The following NALF1 variants were observed in gnomAD, a reference collection of about 807,000 sequenced individuals.
The protein encoded by NALF1 is family with sequence similarity 155 member A.
In NALF1, 3 loss-of-function variants were observed where a neutral mutation model predicts 48.4. The ratio of observed to expected loss-of-function variants is 0.06; its 90% CI spans 0.03 to 0.16. The LOEUF (loss-of-function observed/expected upper bound fraction) is 0.16. NALF1 is among the 10% of genes least tolerant of loss of function. NALF1 has a pLI of 1.00. For synonymous variants in NALF1, 262 were observed against 245.7 expected (o/e 1.07, Z -0.62); for missense variants, 526 against 571.5 (o/e 0.92, Z 0.81).
chr13:107,419,688 C>T (rs1884153751), intron 1 of NALF1, among the ~76,000 whole-genome samples: 1 of 152,092 alleles, frequency 6.6e-6, no homozygotes, highest in African/African-American at 2.4e-5. Flanking sequence ...TTTCTAAATT[C>T]TTTCAAAATC....
chr13:107,727,586 AC>A (rs1876195401), intron 1 of NALF1, among the ~76,000 whole-genome samples: 1 of 152,184 alleles, frequency 6.6e-6, no homozygotes, highest in Non-Finnish European at 1.5e-5. Flanking sequence ...CCTGAAGAAA[AC>A]CTACGTGACG....
chr13:107,834,486 G>C (rs1389186087), intron 1 of NALF1, among the ~76,000 whole-genome samples: 1 of 152,216 alleles, frequency 6.6e-6, no homozygotes. Flanking sequence ...AGCTGTGAGA[G>C]AGTAGTCATC....
chr13:107,636,537 T>C (rs903393457), intron 1 of NALF1, among the ~76,000 whole-genome samples: 2 of 152,204 alleles, frequency 1.3e-5, no homozygotes, highest in African/African-American at 4.8e-5. Context: ...TATTTCTAAT[T>C]CTAGCTTCTT....
chr13:107,322,483 T>C (rs2138915119), intron 1 of NALF1, among the ~76,000 whole-genome samples: 1 of 152,300 alleles, frequency 6.6e-6, no homozygotes, highest in South Asian at 2.1e-4. Flanking sequence ...TTACACTACC[T>C]GTTCTCTAAC....
intron 1 of NALF1, among the ~76,000 whole-genome samples, chr13:107,403,463 G>A (rs1462306061): frequency 6.6e-6 from 1 of 151,554 alleles, no homozygotes. Context: ...TGCTTGAAGT[G>A]ATTAGATTTT....
chr13:107,329,927 C>T (rs1029053620), intron 1 of NALF1, among the ~76,000 whole-genome samples: 8 of 152,046 alleles, frequency 5.3e-5, no homozygotes, highest in South Asian at 4.1e-4. Context: ...AAACTTTAGA[C>T]GATTTCTGTC....
At chr13:107,183,936 G>A (rs978219861) in intron 2 of NALF1, among the ~76,000 whole-genome samples, 1 of 151,428 alleles carries the variant, frequency 6.6e-6, no homozygotes, top group Non-Finnish European at 1.5e-5. Flanking sequence ...ACCACTGTCT[G>A]GTTTCAACAC....
intron 2 of NALF1, among the ~76,000 whole-genome samples, chr13:107,197,897 C>T (rs9587315): frequency 0.037 from 5,636 of 152,162 alleles, 157 homozygotes; most frequent in African/African-American, 0.074. Flanking sequence ...AACCAATTTT[C>T]CTGGTAAGGA....
intron 1 of NALF1, among the ~76,000 whole-genome samples, chr13:107,445,501 C>T (rs1884635043): frequency 6.6e-6 from 1 of 152,142 alleles, no homozygotes; most frequent in African/African-American, 2.4e-5. Context: ...TTTTGGGCTA[C>T]TACAAATAGA....
At chr13:107,503,392 A>G (rs1875582785) in intron 1 of NALF1, among the ~76,000 whole-genome samples, 1 of 152,194 alleles carries the variant, frequency 6.6e-6, no homozygotes, top group African/African-American at 2.4e-5. Flanking sequence ...AATTAAAACC[A>G]CTATGAGATA....
intron 1 of NALF1, among the ~76,000 whole-genome samples, chr13:107,733,252 G>A (rs1226395545): frequency 6.6e-6 from 1 of 152,186 alleles, no homozygotes; most frequent in African/African-American, 2.4e-5. Context: ...AGGCAGAAGT[G>A]AGAGGCTCCA....
intron 1 of NALF1, among the ~76,000 whole-genome samples, chr13:107,756,575 G>A (rs9559150): frequency 9.2e-5 from 14 of 151,850 alleles, no homozygotes; most frequent in African/African-American, 2.9e-4. Context: ...GTATTGTTAC[G>A]ACTGTCATTT....
Position 107,865,594 on chromosome 13 carries a change from A to G in NALF1, c.915+88T>C, listed in dbSNP as rs987848433. 3.1e-5 allele frequency: 47 copies of G among 1,510,488 alleles called. No homozygotes were observed. In the Middle Eastern group the frequency reaches 1.1e-3, roughly 36 times the overall value. The allele number at this position is 1,510,488 out of a possible 1,614,324, so 93.6% of individuals were successfully genotyped here. ...CACAAAGTAACAAAACCATAGCCAAAAAATAATAATAATAAACTTGAGAAG... is the reference window on the plus strand; with the variant it reads ...CACAAAGTAACAAAACCATAGCCAAGAAATAATAATAATAAACTTGAGAAG... On this transcript the variant is annotated intron_variant, in intron 1 of 2. Transcript: ENST00000375915.
At chr13:107,525,272 A>C (rs1876394118) in intron 1 of NALF1, among the ~76,000 whole-genome samples, 1 of 152,076 alleles carries the variant, frequency 6.6e-6, no homozygotes, top group Admixed American at 6.6e-5. Flanking sequence ...TTACTGTCAC[A>C]CAATCTCCTC....
At chr13:107,749,809 G>GGTTTGTTTGTTT (rs71121552) in intron 1 of NALF1, among the ~76,000 whole-genome samples, 1 of 151,002 alleles carries the variant, frequency 6.6e-6, no homozygotes, top group East Asian at 2.0e-4. Context: ...TTGTTGTGGT[G>GGTTTGTTTGTTT]GTTTGTTTGT....
intron 1 of NALF1, among the ~76,000 whole-genome samples, chr13:107,320,157 G>T (rs1566484231): frequency 1.3e-5 from 2 of 151,944 alleles, no homozygotes; most frequent in East Asian, 1.9e-4. Context: ...CTTCTCTAGG[G>T]GGTCTTTTAA....
rs1023049813 is a variant in NALF1 at position 107,732,525 on chromosome 13, A to G, written c.915+133157T>C. Among the ~76,000 whole-genome samples the G allele has an allele frequency of 1.3e-5, 2 of 152,128 alleles. 1 individual carries two copies. Among genetic ancestry groups the G allele is most frequent in the South Asian group, 4.1e-4 (2 of 4,832 alleles). ...TGGCAGTACCTATGTCCTTCTCTCT[A>G]TGCAAGTCCTAGGGCAGTCTTCCAA... On this transcript the variant is annotated intron_variant, in intron 1 of 2. Coordinates refer to ENST00000375915, the MANE Select transcript of NALF1 (RefSeq NM_001080396.3).
At chr13:107,693,341 A>AGGG (rs1381702678) in intron 1 of NALF1, among the ~76,000 whole-genome samples, 24 of 100,758 alleles carry the variant, frequency 2.4e-4, no homozygotes, top group East Asian at 1.1e-3. Context: ...GGGGGGCGGG[A>AGGG]GGGATAGCAT....
At chr13:107,569,172 A>G (rs546367120) in intron 1 of NALF1, among the ~76,000 whole-genome samples, 1 of 152,280 alleles carries the variant, frequency 6.6e-6, no homozygotes, top group African/African-American at 2.4e-5. Flanking sequence ...ACCATTTATT[A>G]AAAGTGCTAC....
Sources: gnomAD v4.1 joint callset for allele counts (sites outside exome capture counted in the v4.1 genomes callset) on GRCh38, gnomAD v4.1.1 for gene constraint, MANE v1.5 for transcripts, NCBI Gene and HGNC (gene_info 2026-07-23, HGNC 2026-07-21) for gene names.